FNDC3A: variants seen among roughly 807,000 people sequenced by gnomAD.
FNDC3A encodes the protein fibronectin type III domain containing 3A, also known as fibronectin type-III domain-containing protein 3A.
A neutral mutation model predicts 148.9 loss-of-function variants in FNDC3A; 32 were observed. That is an observed-to-expected ratio of 0.21 (90% CI 0.16 to 0.29). The LOEUF (loss-of-function observed/expected upper bound fraction) is 0.29, where lower values mean the gene tolerates loss of function less well. FNDC3A is among the 10% of genes least tolerant of loss of function. The probability of loss-of-function intolerance (pLI) is 1.00; values close to 1 mark genes in which losing one functional copy is unlikely to be tolerated. For synonymous variants in FNDC3A, 472 were observed against 473.6 expected (o/e 1.00, Z 0.04); for missense variants, 1,191 against 1,452.8 (o/e 0.82, Z 2.93).
chr13:49,020,374 G>T (rs1223856912), intron 2 of FNDC3A, among the ~76,000 whole-genome samples: 1 of 152,202 alleles, frequency 6.6e-6, no homozygotes, highest in Non-Finnish European at 1.5e-5. Context: ...GATTTTCTTT[G>T]AAAATGTAAG....
chr13:49,110,267 T>C lies in FNDC3A; in HGVS notation c.176-4388T>C, dbSNP rs1880470123. The C allele has an allele frequency of 3.0e-6, 4 of 1,335,390 alleles. No individual in the cohort carries two copies. The Admixed American group carries it at 8.5e-5, about 28-fold the overall frequency. The allele number at this position is 1,335,390 out of a possible 1,614,324, so 82.7% of individuals were successfully genotyped here. A position where few individuals can be genotyped will look rare whatever the true frequency, so the allele number is the denominator to read the frequency against. On this transcript the variant is annotated intron_variant, in intron 3 of 25. Coordinates refer to ENST00000492622, the MANE Select transcript of FNDC3A (RefSeq NM_001079673.2). ...GGTCACGTGATGACTGTCACGTGAC[T>C]CGGTCAAAGGATCTTTTCCTCTTAC...
chr13:49,111,583 G>A (rs768435573), intron 3 of FNDC3A, among the ~76,000 whole-genome samples: 21 of 151,888 alleles, frequency 1.4e-4, no homozygotes, highest in Non-Finnish European at 2.6e-4. Context: ...AAAATTAGCC[G>A]GGCGTGGTGG....
chr13:49,163,383 C>G (rs1238159790), intron 8 of FNDC3A, among the ~76,000 whole-genome samples: 2 of 152,192 alleles, frequency 1.3e-5, no homozygotes, highest in Non-Finnish European at 2.9e-5. Context: ...GCAGTTCGAT[C>G]TCAGACTACT....
intron 11 of FNDC3A, among the ~76,000 whole-genome samples, chr13:49,174,228 C>A (rs1010654158): frequency 6.6e-6 from 1 of 152,152 alleles, no homozygotes; most frequent in African/African-American, 2.4e-5. Flanking sequence ...ATTCAAGAAG[C>A]TGTACAAAGA....
chr13:49,135,464 A>G (rs1344709757), intron 5 of FNDC3A, among the ~76,000 whole-genome samples: 2 of 152,124 alleles, frequency 1.3e-5, no homozygotes, highest in South Asian at 2.1e-4. Context: ...TAAGAGTTCT[A>G]TAGTTTAATC....
At chr13:49,088,413 C>T (rs905613641) in intron 3 of FNDC3A, among the ~76,000 whole-genome samples, 2 of 152,114 alleles carry the variant, frequency 1.3e-5, no homozygotes, top group Admixed American at 1.3e-4. Context: ...AATTCTCATA[C>T]TATGGGAAAA....
intron 3 of FNDC3A, among the ~76,000 whole-genome samples, chr13:49,087,156 T>C (rs983306165): frequency 6.6e-6 from 1 of 152,118 alleles, no homozygotes; most frequent in Non-Finnish European, 1.5e-5. Context: ...GTTAGTCTCT[T>C]GGAAGTATAA....
At chr13:49,126,219 C>CT (rs565645757) in intron 4 of FNDC3A, among the ~76,000 whole-genome samples, 22 of 147,532 alleles carry the variant, frequency 1.5e-4, no homozygotes, top group East Asian at 5.9e-4. Context: ...TCTTGTCTGG[C>CT]TTTTTTTTTT....
chr13:49,018,263 T>A (rs1382606464), intron 2 of FNDC3A, among the ~76,000 whole-genome samples: 1 of 152,198 alleles, frequency 6.6e-6, no homozygotes, highest in Admixed American at 6.5e-5. Flanking sequence ...TTTGGTCTTT[T>A]CACATAGTCG....
chr13:49,187,582 G>A, intron 16 of FNDC3A: 4 of 1,610,578 alleles, frequency 2.5e-6, no homozygotes, highest in Non-Finnish European at 2.5e-6. Context: ...GTTTTCCACT[G>A]AAAATGGCAA....
chr13:49,015,668 C>A (rs1410616364), intron 2 of FNDC3A, among the ~76,000 whole-genome samples: 1 of 152,112 alleles, frequency 6.6e-6, no homozygotes, highest in Non-Finnish European at 1.5e-5. Context: ...GGAGGGCATC[C>A]CTGTCTTGTG....
At position 48,986,400 on chromosome 13, in the gene FNDC3A, T is replaced by TG. The variant is rs1468984569; in HGVS notation, c.-40+10223_-40+10224insG. Among the ~76,000 whole-genome samples the TG allele has an allele frequency of 1.6e-3, 196 of 121,528 alleles. 1 individual carries two copies. The highest frequency in any genetic ancestry group is 2.9e-3 in the Non-Finnish European group (167 of 58,396). The allele number at this position is 121,528 out of a possible 152,430, so 79.7% of individuals were successfully genotyped here. ...GAAGGAAGTTGTTTTTTTTTTTTTT[T>TG]TTTTTTTTTTTTTGAGGCGGAGTCT... is the stretch of plus-strand genomic sequence containing the variant. On this transcript the variant is annotated intron_variant, in intron 1 of 25. Transcript: ENST00000492622.
chr13:49,167,342 A>C, intron 9 of FNDC3A, 39 bp downstream of exon 9: 1 of 1,134,904 alleles, frequency 8.8e-7, no homozygotes, highest in Non-Finnish European at 1.3e-6. Flanking sequence ...AAGATACAGC[A>C]TAAGGGGTTT....
intron 2 of FNDC3A, among the ~76,000 whole-genome samples, chr13:49,025,212 CAT>C (rs558479376): frequency 2.6e-4 from 40 of 152,142 alleles, no homozygotes; most frequent in South Asian, 1.9e-3. Flanking sequence ...TAATTTAGCA[CAT>C]GAGTGTGCCT....
chr13:49,191,186 G>A (rs777972733), intron 18 of FNDC3A, 23 bp from the exon 19 acceptor site: 1 of 1,605,128 alleles, frequency 6.2e-7, no homozygotes, highest in East Asian at 2.2e-5. Context: ...TTGTTAAATT[G>A]CATTAATCTT....
chr13:49,110,198 A>G (rs1363727159), intron 3 of FNDC3A: 1 of 469,614 alleles, frequency 2.1e-6, no homozygotes, highest in Non-Finnish European at 3.7e-6. Context: ...GCAAGCGGGA[A>G]CGTTTGCTTT....
At chr13:49,097,802 A>C (rs2137831028) in intron 3 of FNDC3A, among the ~76,000 whole-genome samples, 1 of 152,208 alleles carries the variant, frequency 6.6e-6, no homozygotes, top group African/African-American at 2.4e-5. Flanking sequence ...ACCATTAAAA[A>C]ATTGATATTT....
chr13:49,062,861 T>C (rs767503461), intron 2 of FNDC3A, among the ~76,000 whole-genome samples: 109 of 152,214 alleles, frequency 7.2e-4, no homozygotes, highest in Admixed American at 1.0e-3. Context: ...CAAGAGTGTG[T>C]GCCACACGGT....
intron 7 of FNDC3A, among the ~76,000 whole-genome samples, chr13:49,142,203 A>G (rs2137956979): frequency 6.6e-6 from 1 of 152,308 alleles, no homozygotes; most frequent in East Asian, 1.9e-4. Flanking sequence ...AAGAATACCC[A>G]AGTTTGAATG....
Sources: gnomAD v4.1 joint callset for allele counts (sites outside exome capture counted in the v4.1 genomes callset) on GRCh38, gnomAD v4.1.1 for gene constraint, MANE v1.5 for transcripts, NCBI Gene and HGNC (gene_info 2026-07-23, HGNC 2026-07-21) for gene names.